RASL12: variants seen among roughly 807,000 people sequenced by gnomAD.
The protein encoded by RASL12 is ras-like protein family member 12.
A neutral mutation model predicts 22.9 loss-of-function variants in RASL12; 16 were observed. The observed-to-expected ratio is 0.70, with a 90% CI of 0.47 to 1.06. The LOEUF (loss-of-function observed/expected upper bound fraction) is 1.06. Ranked by LOEUF, RASL12 falls within the 50% of genes least tolerant of loss-of-function variation. The pLI is 0.00. For synonymous variants in RASL12, 159 were observed against 152.2 expected, an observed-to-expected ratio of 1.04 and a Z score of -0.33; for missense variants, 306 against 353.1, an observed-to-expected ratio of 0.87 and a Z score of 1.07.
chr15:65,059,799 C>A (rs990658574), intron 2 of RASL12, among the ~76,000 whole-genome samples: 11 of 152,230 alleles, frequency 7.2e-5, no homozygotes, highest in Non-Finnish European at 7.3e-5. Flanking sequence ...CTTTCCCACT[C>A]TCTTCCCCCT....
chr15:65,069,681 TAGTTAGAAGGG>T (rs2140536457), upstream of RASL12, among the ~76,000 whole-genome samples: 1 of 151,986 alleles, frequency 6.6e-6, no homozygotes, highest in African/African-American at 2.4e-5. Flanking sequence ...TGACTGTCCA[TAGTTAGAAGGG>T]ACTGTCTTTG....
rs1007581875 is a variant in RASL12 at position 65,053,462 on chromosome 15, C to A, written c.*1437G>T. 2.4e-5 allele frequency: 28 copies of A among 1,172,730 alleles called. No homozygotes were observed. The African/African-American group carries it at 4.5e-4, about 19-fold the overall frequency. The allele number at this position is 1,172,730 out of a possible 1,614,324, so 72.6% of individuals were successfully genotyped here. A position where few individuals can be genotyped will look rare whatever the true frequency, so the allele number is the denominator to read the frequency against. On this transcript the variant is annotated 3_prime_UTR_variant, in exon 5 of 5. Transcript: ENST00000220062. ...ACACAAGTGGCCTGGAGCAAAAGTG[C>A]AAAATCCGTAGCTGGCCTGTGGGTC...
At chr15:65,072,751 C>T (rs1292900528), upstream of RASL12, among the ~76,000 whole-genome samples, 1 of 152,142 alleles carries the variant, frequency 6.6e-6, no homozygotes, top group Non-Finnish European at 1.5e-5. Context: ...AGCTACAAGA[C>T]CCTGAGCACT....
At position 65,058,491 on chromosome 15, in the gene RASL12, T is replaced by C. The variant is rs2086760874; in HGVS notation, c.361A>G (p.Lys121Glu). The C allele has an allele frequency of 6.2e-7, 1 of 1,610,470 alleles. No individual in the cohort carries two copies. The highest frequency in any genetic ancestry group is 8.5e-7 in the Non-Finnish European group (1 of 1,177,618). The stretch of plus-strand genomic sequence containing the variant: ...GCAGGGATGCTGCGCTGTGTCTCCT[T>C]CGCGTGCAAGGCAAGCAGCTCCAGG... ...SYLELLALHAKETQRSIPALL... is the reference protein window; with the variant it reads ...SYLELLALHAEETQRSIPALL... The change falls in exon 4 of 5, where the codon AAG becomes GAG. Residue 121 changes from lysine (K) to glutamate (E), a missense_variant. By Grantham distance (56) the Lys-to-Glu change is moderately conservative. Transcript: ENST00000220062.
intron 2 of RASL12, 37 bp from the exon 3 acceptor site, chr15:65,059,455 C>T (rs1474813869): frequency 1.3e-6 from 2 of 1,544,644 alleles, no homozygotes; most frequent in Non-Finnish European, 1.8e-6. Flanking sequence ...AGACACAGTG[C>T]CTTGGGTGTA....
chr15:65,071,054 G>A (rs1443907918), upstream of RASL12, among the ~76,000 whole-genome samples: 1 of 152,168 alleles, frequency 6.6e-6, no homozygotes, highest in Non-Finnish European at 1.5e-5. Flanking sequence ...TAAGTGGCAA[G>A]GGCCAGGGCG....
chr15:65,074,453 G>A (rs1254967174), intron 1 of RASL12, among the ~76,000 whole-genome samples: 1 of 151,938 alleles, frequency 6.6e-6, no homozygotes, highest in Admixed American at 6.6e-5. Context: ...GAGTGCAATG[G>A]CACGAGCTCG....
downstream of RASL12, among the ~76,000 whole-genome samples, chr15:65,048,463 C>T (rs1418405899): frequency 3.9e-5 from 6 of 152,176 alleles, no homozygotes; most frequent in Admixed American, 3.3e-4. Context: ...ATGCCCCTGG[C>T]TAAGTGTCCA....
At position 65,067,925 on chromosome 15, in the gene RASL12, G is replaced by T. The variant is rs2086899886; in HGVS notation, c.-90C>A. The T allele has an allele frequency of 1.5e-6, 2 of 1,325,234 alleles. No individual in the cohort carries two copies. The highest frequency in any genetic ancestry group is 3.1e-5 in the African/African-American group (2 of 64,154). 82.1% of individuals were successfully genotyped at this position (1,325,234 alleles called of 1,614,324 possible). ...CGGGGCCCAGGGGAGCGGGATGCAGGCTTCCCTGGAGCGCGCGGCCCCGGA... is the reference window on the plus strand; with the variant it reads ...CGGGGCCCAGGGGAGCGGGATGCAGTCTTCCCTGGAGCGCGCGGCCCCGGA... On this transcript the variant is annotated 5_prime_UTR_variant, in exon 1 of 5. Coordinates refer to ENST00000220062, the MANE Select transcript of RASL12 (RefSeq NM_016563.4).
At chr15:65,057,922 G>A (rs940317902) in intron 4 of RASL12, among the ~76,000 whole-genome samples, 3 of 152,174 alleles carry the variant, frequency 2.0e-5, no homozygotes, top group Non-Finnish European at 2.9e-5. Flanking sequence ...ACCCAGAAGC[G>A]TTTCCCTTCA....
chr15:65,051,261 T>C (rs573029339), downstream of RASL12, among the ~76,000 whole-genome samples: 1 of 152,310 alleles, frequency 6.6e-6, no homozygotes, highest in African/African-American at 2.4e-5. Flanking sequence ...TTCACCCCTG[T>C]TGCCCCACTA....
rs2086971772 is a variant in RASL12 at position 65,076,584 on chromosome 15, AC to A, written c.14del (p.Gly5ValfsTer21). ...CAGACCAAGAACCCACCAATTCTGGACCCATTATTACCATTTCTTCTAAGGA... is the reference window on the plus strand; with the variant it reads ...CAGACCAAGAACCCACCAATTCTGGACCATTATTACCATTTCTTCTAAGGA... On this transcript the variant is annotated frameshift_variant, in exon 1 of 5. Transcript: ENST00000434605. LOFTEE classifies it high-confidence loss of function. 1.4e-6 allele frequency: 1 copy of A among 703,026 alleles called. No homozygotes were observed. Among genetic ancestry groups the A allele is most frequent in the African/African-American group, 1.7e-5 (1 of 57,264 alleles). 43.5% of individuals were successfully genotyped at this position (703,026 alleles called of 1,614,324 possible). A position where few individuals can be genotyped will look rare whatever the true frequency, so the allele number is the denominator to read the frequency against.
At chr15:65,066,532 T>C (rs945759211) in intron 1 of RASL12, among the ~76,000 whole-genome samples, 1 of 152,114 alleles carries the variant, frequency 6.6e-6, no homozygotes, top group Non-Finnish European at 1.5e-5. Context: ...AGTGACATTG[T>C]GAATAAAATC....
chr15:65,050,849 TTTTTGCC>T (rs2086643792), downstream of RASL12, among the ~76,000 whole-genome samples: 1 of 146,156 alleles, frequency 6.8e-6, no homozygotes, highest in Non-Finnish European at 1.5e-5. Flanking sequence ...TTTTTTTTTT[TTTTTGCC>T]TTTTTTTTGA....
chr15:65,073,025 A>G (rs945882026), intron 1 of RASL12, among the ~76,000 whole-genome samples: 73 of 152,134 alleles, frequency 4.8e-4, no homozygotes, highest in African/African-American at 1.7e-3. Flanking sequence ...TCTGGGTGAC[A>G]GAGTGAGACT....
At position 65,067,893 on chromosome 15, in the gene RASL12, C is replaced by T. The variant is rs2086898917; in HGVS notation, c.-58G>A. The T allele has an allele frequency of 1.5e-6, 2 of 1,377,094 alleles. No homozygotes were observed. The highest frequency in any genetic ancestry group is 1.9e-6 in the Non-Finnish European group (2 of 1,070,938). 85.3% of individuals were successfully genotyped at this position (1,377,094 alleles called of 1,614,324 possible). A position where few individuals can be genotyped will look rare whatever the true frequency, so the allele number is the denominator to read the frequency against. ...GCCGGTGGGCCCCGCGCAGTGCGCC[C>T]GCCCGTCGGGGCCCAGGGGAGCGGG... is the stretch of plus-strand genomic sequence containing the variant. On this transcript the variant is annotated 5_prime_UTR_variant, in exon 1 of 5. Coordinates refer to ENST00000220062, the MANE Select transcript of RASL12 (RefSeq NM_016563.4).
intron 4 of RASL12, among the ~76,000 whole-genome samples, chr15:65,056,120 AGG>A (rs1353039335): frequency 6.6e-6 from 1 of 151,996 alleles, no homozygotes; most frequent in East Asian, 1.9e-4. Flanking sequence ...TGTCTACAAG[AGG>A]GAAGAGATGG....
chr15:65,075,066 G>A (rs903848088), intron 1 of RASL12, among the ~76,000 whole-genome samples: 8 of 152,222 alleles, frequency 5.3e-5, no homozygotes, highest in East Asian at 1.9e-4. Context: ...TGGCGCTTGC[G>A]GGCCAGCTGG....
At chr15:65,053,218 C>T (rs2086679065), downstream of RASL12, 17 of 1,592,278 alleles carry the variant, frequency 1.1e-5, no homozygotes, top group Non-Finnish European at 1.5e-5. Context: ...GGGCTCAGCT[C>T]AGTGGCCTGA....
Sources: allele counts gnomAD v4.1 joint callset (sites outside exome capture counted in the v4.1 genomes callset), GRCh38; gene constraint gnomAD v4.1.1; transcripts MANE v1.5; gene names NCBI Gene and HGNC (gene_info 2026-07-23, HGNC 2026-07-21).